Variants in CACNA2D2 observed in about 807,000 individuals in gnomAD.
CACNA2D2 encodes the protein voltage-dependent calcium channel subunit alpha-2/delta-2.
A neutral mutation model predicts 166.4 loss-of-function variants in CACNA2D2; 48 were observed. The observed-to-expected ratio is 0.29, with a 90% CI of 0.23 to 0.37. The LOEUF (loss-of-function observed/expected upper bound fraction) is 0.37. CACNA2D2 is among the 10% of genes least tolerant of loss of function. CACNA2D2 has a pLI of 1.00. For synonymous variants in CACNA2D2, 561 were observed against 573.7 expected (o/e 0.98, Z 0.32); for missense variants, 1,122 against 1,433.0 (o/e 0.78, Z 3.50).
intron 1 of CACNA2D2, among the ~76,000 whole-genome samples, chr3:50,489,918 A>T (rs1698453938): frequency 6.7e-6 from 1 of 149,144 alleles, no homozygotes; most frequent in Admixed American, 6.6e-5. Flanking sequence ...TGTCTTCTTC[A>T]CTGTTTATCT....
Position 50,381,086 on chromosome 3 carries a change from C to T in CACNA2D2, c.693G>A (p.Leu231=), listed in dbSNP as rs901557606. ...ILNELNWTEA[L]ENVFMENRRQ... is the part of the protein sequence containing the mutation. ...TGCGGTTTTCCATGAACACATTCTC[C>T]AGGGCCTCTGTCCAGTTGAGCTCAT... Residue 231 remains leucine (L), a synonymous_variant, in exon 7 of 38, where the codon CTG becomes CTA. Transcript: ENST00000424201. 3.7e-6 allele frequency: 6 copies of T among 1,613,828 alleles called. No individual in the cohort carries two copies. Among genetic ancestry groups the T allele is most frequent in the Non-Finnish European group, 5.1e-6 (6 of 1,179,956 alleles).
In CACNA2D2 at chr3:50,434,449, A is replaced by C. The variant is rs1559944133; in HGVS notation, c.289-20T>G. ...GTAAATCTGGAAGGAAGCAGAAGCC[A>C]GGGGTGAGACCAGGTGGTCCCACGT... On this transcript the variant is annotated intron_variant, in intron 2 of 37. Coordinates refer to ENST00000424201, the MANE Select transcript of CACNA2D2 (RefSeq NM_006030.4). 1 of 1,591,610 alleles carries C rather than the reference A, an allele frequency of 6.3e-7. No individual in the cohort carries two copies. Among genetic ancestry groups the C allele is most frequent in the African/African-American group, 1.3e-5 (1 of 74,570 alleles).
intron 3 of CACNA2D2, among the ~76,000 whole-genome samples, chr3:50,413,094 A>C (rs1707099315): frequency 6.6e-6 from 1 of 152,078 alleles, no homozygotes; most frequent in Non-Finnish European, 1.5e-5. Flanking sequence ...GATCAGTGTG[A>C]ATTAGGGTTA....
At chr3:50,443,471 G>A (rs1270093651) in intron 2 of CACNA2D2, among the ~76,000 whole-genome samples, 2 of 152,256 alleles carry the variant, frequency 1.3e-5, no homozygotes, top group African/African-American at 4.8e-5. Flanking sequence ...AGACTACCAG[G>A]CAGTGAGTGG....
intron 1 of CACNA2D2, among the ~76,000 whole-genome samples, chr3:50,477,662 G>A (rs1188148711): frequency 6.6e-6 from 1 of 152,180 alleles, no homozygotes; most frequent in Non-Finnish European, 1.5e-5. Context: ...TTTCCAGGAA[G>A]GGCGCACAAA....
At chr3:50,393,516 G>A (rs1205947170) in intron 4 of CACNA2D2, among the ~76,000 whole-genome samples, 1 of 152,220 alleles carries the variant, frequency 6.6e-6, no homozygotes, top group Non-Finnish European at 1.5e-5. Context: ...GATGGGTGAG[G>A]CTCCCCTTCC....
chr3:50,409,091 C>T (rs2106791529), intron 3 of CACNA2D2, among the ~76,000 whole-genome samples: 1 of 152,022 alleles, frequency 6.6e-6, no homozygotes, highest in Admixed American at 6.5e-5. Flanking sequence ...ACACTGGATT[C>T]AGATCTACCC....
chr3:50,453,727 G>C (rs1709212815), intron 2 of CACNA2D2, among the ~76,000 whole-genome samples: 1 of 152,204 alleles, frequency 6.6e-6, no homozygotes, highest in African/African-American at 2.4e-5. Context: ...GCAGGTGAAG[G>C]CTCTGGGAGC....
At chr3:50,393,135 C>T (rs748498351) in intron 4 of CACNA2D2, among the ~76,000 whole-genome samples, 1 of 152,160 alleles carries the variant, frequency 6.6e-6, no homozygotes. Flanking sequence ...CAGGTAACCT[C>T]GGGTAGGTCT....
intron 3 of CACNA2D2, among the ~76,000 whole-genome samples, chr3:50,419,032 G>A (rs1420436785): frequency 6.6e-6 from 1 of 152,170 alleles, no homozygotes; most frequent in Non-Finnish European, 1.5e-5. Flanking sequence ...AGGAGTGGGG[G>A]AGGTGAGAGG....
At chr3:50,499,848 G>A (rs992266109) in intron 1 of CACNA2D2, among the ~76,000 whole-genome samples, 3 of 152,190 alleles carry the variant, frequency 2.0e-5, no homozygotes, top group African/African-American at 7.2e-5. Context: ...AAAAGGAGGT[G>A]CCTGATAAAG....
At chr3:50,426,444 G>A (rs1649540332) in intron 3 of CACNA2D2, among the ~76,000 whole-genome samples, 1 of 152,174 alleles carries the variant, frequency 6.6e-6, no homozygotes, top group African/African-American at 2.4e-5. Flanking sequence ...CAGCCAAGGT[G>A]TCCCCACAGG....
intron 2 of CACNA2D2, among the ~76,000 whole-genome samples, chr3:50,435,451 G>C (rs2106897240): frequency 6.6e-6 from 1 of 152,094 alleles, no homozygotes; most frequent in South Asian, 2.1e-4. Context: ...TCACAGAATA[G>C]GCTGCCACGA....
rs772005789 is a variant in CACNA2D2 at position 50,379,467 on chromosome 3, C to T, written c.1117G>A (p.Ala373Thr). 4 of 1,613,948 alleles carry T rather than the reference C, an allele frequency of 2.5e-6. No individual in the cohort carries two copies. The highest frequency in any genetic ancestry group is 3.4e-6 in the Non-Finnish European group (4 of 1,180,014). ...TGGTCAAAGGCATACTCAAAGCCGG[C>T]CTTGTAGCCTGTGGTGCCCTTGGCC... The part of the protein sequence containing the change: ...MVAKGTTGYK[A>T]GFEYAFDQLQ... Residue 373 changes from alanine (A) to threonine (T), a missense_variant, in exon 11 of 38, where the codon GCC (alanine) becomes ACC (threonine). Ala to Thr is a moderately conservative substitution (Grantham distance 58). Transcript: ENST00000424201. The surrounding 1 kb of genome is among the most constrained non-coding windows in gnomAD (Gnocchi z 6.5).
intron 2 of CACNA2D2, among the ~76,000 whole-genome samples, chr3:50,448,142 C>T (rs1405281013): frequency 6.6e-6 from 1 of 152,208 alleles, no homozygotes; most frequent in East Asian, 1.9e-4. Context: ...AACCATGTGG[C>T]TCCTCCCTGG....
In CACNA2D2 at chr3:50,380,514, A is replaced by G. The variant is rs587739431; in HGVS notation, c.842+234T>C. On this transcript the variant is annotated intron_variant, in intron 8 of 37. Transcript: ENST00000424201. The surrounding 1 kb of genome is among the most constrained non-coding windows in gnomAD (Gnocchi z 4.9). ...CCCTTCTGGTCCAATCTCCCTTCCA[A>G]TCTCTCAGTCCTGAGTGGGTGGGGG... Among the ~76,000 whole-genome samples the G allele has an allele frequency of 2.0e-5, 3 of 152,166 alleles. No individual in the cohort carries two copies. Among genetic ancestry groups the G allele is most frequent in the African/African-American group, 7.2e-5 (3 of 41,510 alleles).
chr3:50,503,179 G>C (rs1485925647), intron 1 of CACNA2D2, 39 bp downstream of exon 1: 8 of 1,150,770 alleles, frequency 7.0e-6, no homozygotes, highest in Non-Finnish European at 8.6e-6. Flanking sequence ...CGGGGCGCAA[G>C]GCTCGGCCGG....
At chr3:50,440,003 G>A (rs1430478867) in intron 2 of CACNA2D2, among the ~76,000 whole-genome samples, 1 of 152,234 alleles carries the variant, frequency 6.6e-6, no homozygotes, top group Non-Finnish European at 1.5e-5. Flanking sequence ...CCACCTTGAA[G>A]ACTGGAGAGT....
At chr3:50,460,752 G>A (rs949206901) in intron 2 of CACNA2D2, among the ~76,000 whole-genome samples, 1 of 152,048 alleles carries the variant, frequency 6.6e-6, no homozygotes, top group Non-Finnish European at 1.5e-5. Flanking sequence ...TACTCGGGGG[G>A]CTGAGGCAGG....
Sources: gnomAD v4.1 joint callset for allele counts (sites outside exome capture counted in the v4.1 genomes callset) on GRCh38, gnomAD v4.1.1 for gene constraint, Gnocchi (gnomAD v3.1) non-coding constraint, MANE v1.5 for transcripts, NCBI Gene and HGNC (gene_info 2026-07-23, HGNC 2026-07-21) for gene names.